ADAMTS19: variants seen among roughly 807,000 people sequenced by gnomAD.
The protein encoded by ADAMTS19 is A disintegrin and metalloproteinase with thrombospondin motifs 19.
A neutral mutation model predicts 153.3 loss-of-function variants in ADAMTS19; 93 were observed. That is an observed-to-expected ratio of 0.61 (90% CI 0.51 to 0.72). The LOEUF (loss-of-function observed/expected upper bound fraction) is 0.72. Ranked by LOEUF, ADAMTS19 falls within the 30% of genes least tolerant of loss-of-function variation. The probability of loss-of-function intolerance (pLI) is 0.00; values close to 1 mark genes in which losing one functional copy is unlikely to be tolerated. For synonymous variants in ADAMTS19, 600 were observed against 556.6 expected (o/e 1.08, Z -1.10); for missense variants, 1,482 against 1,552.1 (o/e 0.95, Z 0.76).
At chr5:129,614,985 T>G (rs1402917530) in intron 8 of ADAMTS19, among the ~76,000 whole-genome samples, 3 of 152,118 alleles carry the variant, frequency 2.0e-5, no homozygotes, top group Non-Finnish European at 4.4e-5. Flanking sequence ...ACAAGGGACG[T>G]GAAGGACCTC....
At chr5:129,495,966 G>A (rs966366542) in intron 2 of ADAMTS19, among the ~76,000 whole-genome samples, 8 of 152,020 alleles carry the variant, frequency 5.3e-5, no homozygotes, top group Admixed American at 4.6e-4. Context: ...AAAAGGGAGA[G>A]TATGGAAAGG....
intron 6 of ADAMTS19, among the ~76,000 whole-genome samples, chr5:129,539,866 A>G (rs1752597601): frequency 1.3e-5 from 2 of 152,032 alleles, no homozygotes; most frequent in Admixed American, 1.3e-4. Context: ...TCTGTGGAGG[A>G]TCACCCTTTC....
chr5:129,607,001 T>C (rs1750930663), intron 8 of ADAMTS19, among the ~76,000 whole-genome samples: 1 of 152,148 alleles, frequency 6.6e-6, no homozygotes. Context: ...CACAGCAACC[T>C]CCATCTCCTG....
At chr5:129,620,247 T>C (rs1751718728) in intron 8 of ADAMTS19, among the ~76,000 whole-genome samples, 1 of 152,040 alleles carries the variant, frequency 6.6e-6, no homozygotes, top group Non-Finnish European at 1.5e-5. Flanking sequence ...TGAAGAAAAT[T>C]TGATTCAGGC....
At chr5:129,496,189 G>T (rs1341865693) in intron 2 of ADAMTS19, among the ~76,000 whole-genome samples, 1 of 152,014 alleles carries the variant, frequency 6.6e-6, no homozygotes, top group Non-Finnish European at 1.5e-5. Flanking sequence ...TTATCCAAGG[G>T]TTCTAAGTGG....
intron 6 of ADAMTS19, among the ~76,000 whole-genome samples, chr5:129,549,131 C>G (rs1041041246): frequency 3.3e-5 from 5 of 150,020 alleles, no homozygotes; most frequent in Middle Eastern, 3.4e-3. Context: ...ACATATGTAA[C>G]AAACCTGCAC....
At chr5:129,653,562 C>T (rs772590891) in intron 13 of ADAMTS19, among the ~76,000 whole-genome samples, 2 of 152,140 alleles carry the variant, frequency 1.3e-5, no homozygotes, top group Non-Finnish European at 1.5e-5. Flanking sequence ...TCGTACACAA[C>T]GACATGGTTT....
rs372617943 is a variant in ADAMTS19, at chr5:129,696,819, T to G, written c.2954+1964T>G. Among the ~76,000 whole-genome samples, 48 of 151,652 alleles carry G rather than the reference T, an allele frequency of 3.2e-4. No individual in the cohort carries two copies. The East Asian group carries it at 7.6e-3, about 24-fold the overall frequency. On this transcript the variant is annotated intron_variant, in intron 19 of 22. Coordinates refer to ENST00000274487, the MANE Select transcript of ADAMTS19 (RefSeq NM_133638.6). ...AAGACCTGGAATCAAGAGAAAGGAG[T>G]GTCTGGGTTAAGATAAGGGGTTGTA... is the stretch of plus-strand genomic sequence containing the variant.
intron 8 of ADAMTS19, among the ~76,000 whole-genome samples, chr5:129,616,714 A>G (rs1423361057): frequency 6.6e-6 from 1 of 152,110 alleles, no homozygotes; most frequent in African/African-American, 2.4e-5. Context: ...AACTGAGATT[A>G]TTAAAATGTA....
chr5:129,646,179 C>A (rs1003075565), intron 11 of ADAMTS19, among the ~76,000 whole-genome samples: 1 of 152,156 alleles, frequency 6.6e-6, no homozygotes, highest in Admixed American at 6.5e-5. Flanking sequence ...TGAGCCACCG[C>A]GCCCGGCCTC....
rs1007085175 is a variant in ADAMTS19 at position 129,510,732 on chromosome 5, C to A, written c.913+1490C>A. ...TAATTACTCATGTACTCTGATGACA[C>A]AAAGCAGGCTCTGTATGCCATTATG... On this transcript the variant is annotated intron_variant, in intron 3 of 22. Coordinates refer to ENST00000274487, the MANE Select transcript of ADAMTS19 (RefSeq NM_133638.6). Among the ~76,000 whole-genome samples the A allele has an allele frequency of 2.0e-5, 3 of 151,648 alleles. No individual in the cohort carries two copies. In the Admixed American group the frequency reaches 2.0e-4, roughly 10 times the overall value.
At chr5:129,636,054 G>A (rs926622816) in intron 10 of ADAMTS19, among the ~76,000 whole-genome samples, 4 of 152,036 alleles carry the variant, frequency 2.6e-5, no homozygotes, top group Non-Finnish European at 4.4e-5. Flanking sequence ...CTGCCACCAC[G>A]TCTGGTTAAT....
At chr5:129,699,521 G>A (rs1755732650) in intron 19 of ADAMTS19, among the ~76,000 whole-genome samples, 2 of 152,028 alleles carry the variant, frequency 1.3e-5, no homozygotes, top group South Asian at 4.1e-4. Context: ...ATGCCTTTGA[G>A]GAGCTTATAT....
chr5:129,537,097 C>T (rs1032006121), intron 6 of ADAMTS19, among the ~76,000 whole-genome samples: 1 of 151,516 alleles, frequency 6.6e-6, no homozygotes, highest in African/African-American at 2.4e-5. Flanking sequence ...AAAACAACCC[C>T]ATCAAAAAGT....
At chr5:129,581,587 G>T (rs577298446) in intron 7 of ADAMTS19, among the ~76,000 whole-genome samples, 1 of 148,098 alleles carries the variant, frequency 6.8e-6, no homozygotes. Flanking sequence ...AGGGTTTTTC[G>T]TGTCTCTGTC....
At chr5:129,671,326 G>C (rs552192038) in intron 16 of ADAMTS19, among the ~76,000 whole-genome samples, 1 of 152,198 alleles carries the variant, frequency 6.6e-6, no homozygotes, top group Non-Finnish European at 1.5e-5. Flanking sequence ...ATGACTTCTA[G>C]GTTTCTGGTA....
At chr5:129,468,969 G>GT (rs1749970203) in intron 2 of ADAMTS19, among the ~76,000 whole-genome samples, 1 of 151,896 alleles carries the variant, frequency 6.6e-6, no homozygotes, top group African/African-American at 2.4e-5. Context: ...TAGAGGTGGG[G>GT]TTTTGCCATG....
intron 3 of ADAMTS19, among the ~76,000 whole-genome samples, chr5:129,521,383 G>C (rs1467369776): frequency 6.6e-6 from 1 of 151,972 alleles, no homozygotes; most frequent in East Asian, 1.9e-4. Flanking sequence ...TGTCATCCTA[G>C]TAGCTAACAT....
In ADAMTS19 at chr5:129,723,435, A is replaced by G. The variant is rs1003303442; in HGVS notation, c.3313-11497A>G. Among the ~76,000 whole-genome samples, 11 of 152,328 alleles carry G rather than the reference A, an allele frequency of 7.2e-5. No individual in the cohort carries two copies. The East Asian group carries it at 7.7e-4, about 11-fold the overall frequency. ...GTTTAAGAAGGTATATTTCATTTGT[A>G]AAGAAGATTAAGCCTTTTTCTTGTT... On this transcript the variant is annotated intron_variant, in intron 21 of 22. Transcript: ENST00000274487.
Sources: gnomAD v4.1 joint callset for allele counts (sites outside exome capture counted in the v4.1 genomes callset) on GRCh38, gnomAD v4.1.1 for gene constraint, MANE v1.5 for transcripts, NCBI Gene and HGNC (gene_info 2026-07-23, HGNC 2026-07-21) for gene names.